SUMF2: variants seen among roughly 807,000 people sequenced by gnomAD.
The protein encoded by SUMF2 is sulfatase modifying factor 2, also known as inactive C-alpha-formylglycine-generating enzyme 2.
A neutral mutation model predicts 44.8 loss-of-function variants in SUMF2; 45 were observed. The ratio of observed to expected loss-of-function variants is 1.00; its 90% confidence interval spans 0.79 to 1.29. The LOEUF (loss-of-function observed/expected upper bound fraction) is 1.29, where lower values mean the gene tolerates loss of function less well. Ranked by LOEUF, SUMF2 falls within the 50% of genes most tolerant of loss-of-function variation. The pLI, the probability that SUMF2 is intolerant of heterozygous loss-of-function variation, is 0.00. For missense variants in SUMF2, 418 were observed against 389.9 expected, an observed-to-expected ratio of 1.07 and a Z score of -0.61; for synonymous variants, 148 against 150.4, an observed-to-expected ratio of 0.98 and a Z score of 0.12.
In SUMF2 at chr7:56,064,303, G is replaced by A. The variant is rs748389329; in HGVS notation, c.-9G>A. The A allele has an allele frequency of 1.3e-5, 21 of 1,585,668 alleles. No individual in the cohort carries two copies. The Admixed American group carries it at 3.6e-4, about 27-fold the overall frequency. On this transcript the variant is annotated 5_prime_UTR_variant, in exon 1 of 9. Coordinates refer to ENST00000434526, the MANE Select transcript of SUMF2 (RefSeq NM_015411.4). ...CCGTGGGTGTACGCGGCGCAGCGCGGCAGTCCTGATGGCCCGGCATGGGTT... is the reference window on the plus strand; with the variant it reads ...CCGTGGGTGTACGCGGCGCAGCGCGACAGTCCTGATGGCCCGGCATGGGTT...
chr7:56,082,246 G>A (rs13238521), downstream of SUMF2: 112,781 of 1,611,732 alleles, frequency 0.07, 5,188 homozygotes, highest in East Asian at 0.25. Flanking sequence ...TGGGGGTCCC[G>A]CAGACCTCTG....
downstream of SUMF2, chr7:56,084,026 G>A: frequency 1.6e-6 from 1 of 632,910 alleles, no homozygotes; most frequent in Non-Finnish European, 2.7e-6. Context: ...ACCATTTCAT[G>A]AGGTAGGCAT....
chr7:56,086,327 TAA>T, the SUMF2 span, among the ~76,000 whole-genome samples: 4 of 152,044 alleles, frequency 2.6e-5, no homozygotes, highest in African/African-American at 7.2e-5. Context: ...ATGAAGTTTA[TAA>T]GTTAGGCACA....
chr7:56,085,024 G>A (rs535625020), downstream of SUMF2, among the ~76,000 whole-genome samples: 2 of 152,144 alleles, frequency 1.3e-5, no homozygotes, highest in South Asian at 2.1e-4. Flanking sequence ...GCAGTGGCAC[G>A]ATCTCAGCTA....
At chr7:56,071,812 A>T (rs7806994) in intron 2 of SUMF2, among the ~76,000 whole-genome samples, 24,603 of 149,646 alleles carry the variant, frequency 0.16, 2,135 homozygotes, top group Non-Finnish European at 0.19. Flanking sequence ...AAATAAATAA[A>T]TAATTAAATA....
downstream of SUMF2, chr7:56,084,052 C>A (rs955277412): frequency 2.9e-6 from 2 of 692,880 alleles, no homozygotes; most frequent in Non-Finnish European, 4.8e-6. Flanking sequence ...CAGCTAAGTC[C>A]CCTCCCCAGG....
the SUMF2 span, chr7:56,087,732 C>T: frequency 1.2e-6 from 2 of 1,613,676 alleles, no homozygotes; most frequent in Non-Finnish European, 1.7e-6. Flanking sequence ...GTACTCCTGG[C>T]TCGTGGGCTT....
At chr7:56,079,478 G>A in intron 8 of SUMF2, 50 bp from the exon 9 acceptor site, 1 of 1,560,268 alleles carries the variant, frequency 6.4e-7, no homozygotes, top group Non-Finnish European at 8.7e-7. Context: ...GTAAGCCCTA[G>A]GCCTTTTTCT....
the SUMF2 span, chr7:56,087,706 C>T: frequency 8.7e-6 from 14 of 1,613,952 alleles, no homozygotes; most frequent in Admixed American, 3.3e-5. Context: ...CCGGTGACGT[C>T]GATGACCTTC....
chr7:56,083,988 G>C (rs1796142086), downstream of SUMF2, among the ~76,000 whole-genome samples: 1 of 152,122 alleles, frequency 6.6e-6, no homozygotes, highest in Admixed American at 6.6e-5. Context: ...TCCCCTGACT[G>C]AATTTTTCCC....
intron 6 of SUMF2, 124 bp downstream of exon 6, chr7:56,077,013 G>A (rs1340368223): frequency 1.2e-6 from 1 of 803,070 alleles, no homozygotes; most frequent in Non-Finnish European, 1.9e-6. Flanking sequence ...CTCATAAGCT[G>A]GTAAAGCAAA....
At chr7:56,076,794 C>T in intron 5 of SUMF2, 40 bp from the exon 6 acceptor site, 1 of 1,546,778 alleles carries the variant, frequency 6.5e-7, no homozygotes, top group Non-Finnish European at 8.8e-7. Context: ...CCTAATTCTT[C>T]ACCTCCCCCT....
rs772085597 is a variant in SUMF2, at chr7:56,078,163, C to T, written c.653C>T (p.Ala218Val). ...TTCCATGGAGTCTCCCCAGTGAATGCTTTCCCCGCCCAGAACAACTACGGT... is the reference window on the plus strand; with the variant it reads ...TTCCATGGAGTCTCCCCAGTGAATGTTTTCCCCGCCCAGAACAACTACGGT... ...DGFHGVSPVN[A>V]FPAQNNYGLY... Residue 218 changes from alanine to valine, a missense_variant, in exon 7 of 9, where the codon GCT becomes GTT. Transcript: ENST00000434526. The T allele has an allele frequency of 5.0e-6, 8 of 1,612,402 alleles. No individual in the cohort carries two copies. Among genetic ancestry groups the T allele is most frequent in the African/African-American group, 2.7e-5 (2 of 74,898 alleles).
chr7:56,078,608 T>A lies in SUMF2; in HGVS notation c.821+100T>A, dbSNP rs1795741751. 15 of 1,341,478 alleles carry A rather than the reference T, an allele frequency of 1.1e-5. No homozygotes were observed. In the East Asian group the frequency reaches 3.9e-4, roughly 35 times the overall value. The allele number at this position is 1,341,478 out of a possible 1,614,324, so 83.1% of individuals were successfully genotyped here. ...CCCTACCTTCACACCACCAACCGTC[T>A]GTGTGTGATGAGCTGGTCCCAGCAC... On this transcript the variant is annotated intron_variant, in intron 8 of 8. Coordinates refer to ENST00000434526, the MANE Select transcript of SUMF2 (RefSeq NM_015411.4).
At chr7:56,081,391 G>A (rs1000385302), downstream of SUMF2, 22 of 1,464,404 alleles carry the variant, frequency 1.5e-5, no homozygotes, top group Admixed American at 4.5e-5. This position sits in a 1 kb window ranked among gnomAD's most constrained non-coding sequence, Gnocchi z 4.6. Context: ...CGTTTGCCAC[G>A]AAGCCTTGGG....
chr7:56,073,121 C>T lies in SUMF2; in HGVS notation c.339+10C>T, dbSNP rs1381109680. 1 of 1,607,536 alleles carries T rather than the reference C, an allele frequency of 6.2e-7. No individual in the cohort carries two copies. The highest frequency in any genetic ancestry group is 8.5e-7 in the Non-Finnish European group (1 of 1,174,072). On this transcript the variant is annotated intron_variant, in intron 3 of 8. Transcript: ENST00000434526. ...CACCCAGCCAATGAAGGTGAGAGAA[C>T]CTGGTCTTGCAGCTGAGGGGATAGG...
chr7:56,078,399 A>G lies in SUMF2; in HGVS notation c.712A>G (p.Thr238Ala), dbSNP rs1237770118. 2 of 1,611,598 alleles carry G rather than the reference A, an allele frequency of 1.2e-6. No homozygotes were observed. The highest frequency in any genetic ancestry group is 1.7e-5 in the Admixed American group (1 of 59,728). The change falls in exon 8 of 9, where the codon ACA (threonine) becomes GCA (alanine). Residue 238 changes from threonine (T) to alanine (A), a missense_variant. By Grantham distance (58) the Thr-to-Ala change is moderately conservative (BLOSUM62 0). Coordinates refer to ENST00000434526, the MANE Select transcript of SUMF2 (RefSeq NM_015411.4). ...YDLLGNVWEW[T>A]ASPYQAAEQD... is the part of the protein sequence containing the mutation. ...CCTCCTGGGGAACGTGTGGGAGTGG[A>G]CAGCATCACCGTACCAGGCTGCTGA...
chr7:56,074,731 T>C lies in SUMF2; in HGVS notation c.530T>C (p.Leu177Ser). 1 of 1,614,138 alleles carries C rather than the reference T, an allele frequency of 6.2e-7. No individual in the cohort carries two copies. Among genetic ancestry groups the C allele is most frequent in the Middle Eastern group, 1.6e-4 (1 of 6,062 alleles). ...EEWEFAARGG[L>S]KGQVYPWGNW... ...TGGGAGTTTGCCGCCCGAGGGGGCT[T>C]GAAGGGTATCCAGATGATAAGGCGA... is the stretch of plus-strand genomic sequence containing the variant. The change falls in exon 5 of 9, where the codon TTG (leucine) becomes TCG (serine). Residue 177 changes from leucine to serine, a missense_variant. Physicochemically the swap from Leu to Ser is moderately radical, Grantham distance 145 (BLOSUM62 -2). Transcript: ENST00000434526.
intron 2 of SUMF2, among the ~76,000 whole-genome samples, chr7:56,072,574 T>C (rs28409848): frequency 0.023 from 3,446 of 151,830 alleles, 121 homozygotes; most frequent in African/African-American, 0.079. Flanking sequence ...AATACAAAAA[T>C]TACCTGGGCG....
Sources: allele counts gnomAD v4.1 joint callset (sites outside exome capture counted in the v4.1 genomes callset), GRCh38; gene constraint gnomAD v4.1.1; non-coding constraint Gnocchi (gnomAD v3.1); transcripts MANE v1.5; gene names NCBI Gene and HGNC (gene_info 2026-07-23, HGNC 2026-07-21).